Variants in ARPC2 observed in about 807,000 individuals in gnomAD.
The protein encoded by ARPC2 is actin-related protein 2/3 complex subunit 2.
ARPC2 carries 4 observed loss-of-function variants against 38.6 expected under a neutral mutation model. The ratio of observed to expected loss-of-function variants is 0.10; its 90% CI spans 0.05 to 0.24. The LOEUF (loss-of-function observed/expected upper bound fraction) is 0.24, where lower values mean the gene tolerates loss of function less well. Among genes scored for constraint, ARPC2 ranks in the 10% least tolerant of loss-of-function variants. ARPC2 has a pLI of 1.00. For missense variants in ARPC2, 229 were observed against 387.3 expected, an observed-to-expected ratio of 0.59 and a Z score of 3.43; for synonymous variants, 125 against 140.8, an observed-to-expected ratio of 0.89 and a Z score of 0.79.
At position 218,232,635 on chromosome 2, in the gene ARPC2, T is replaced by C. The variant is rs1360217865; in HGVS notation, c.223-1717T>C. On this transcript the variant is annotated intron_variant, in intron 4 of 10. Coordinates refer to ENST00000315717, the MANE Select transcript of ARPC2 (RefSeq NM_152862.3). Reference sequence around the variant, plus strand: ...CCCAGGCTGGAGTGCAGTGGCGCGATCTCACCTCACTGCAAGCTCTGCCTC... The same window carrying C: ...CCCAGGCTGGAGTGCAGTGGCGCGACCTCACCTCACTGCAAGCTCTGCCTC... Among the ~76,000 whole-genome samples, 14 of 146,882 alleles carry C rather than the reference T, an allele frequency of 9.5e-5. No individual in the cohort carries two copies. The Admixed American group carries it at 9.8e-4, about 10-fold the overall frequency.
At chr2:218,227,282 AAG>A (rs146230657) in intron 3 of ARPC2, among the ~76,000 whole-genome samples, 2,622 of 152,294 alleles carry the variant, frequency 0.017, 67 homozygotes, top group African/African-American at 0.06. Context: ...AGAACCGAAA[AAG>A]AGGGGAGTCC....
At position 218,253,945 on chromosome 2, in the gene ARPC2, C is replaced by T; in HGVS notation, c.*30C>T. On this transcript the variant is annotated 3_prime_UTR_variant, in exon 11 of 11. Coordinates refer to ENST00000315717, the MANE Select transcript of ARPC2 (RefSeq NM_152862.3). ...GGGAATAAGAGGAGGAAGCGGCTGGCAACTGAAGGCTGGAACACTTGCTAC... is the reference window on the plus strand; with the variant it reads ...GGGAATAAGAGGAGGAAGCGGCTGGTAACTGAAGGCTGGAACACTTGCTAC... 1 of 1,613,662 alleles carries T rather than the reference C, an allele frequency of 6.2e-7. No individual in the cohort carries two copies. The highest frequency in any genetic ancestry group is 8.5e-7 in the Non-Finnish European group (1 of 1,179,748).
chr2:218,242,039 C>T (rs1256724013), intron 7 of ARPC2, among the ~76,000 whole-genome samples: 1 of 152,236 alleles, frequency 6.6e-6, no homozygotes, highest in African/African-American at 2.4e-5. Flanking sequence ...ATTTGAAGTT[C>T]CTCATGGTCA....
At chr2:218,240,939 GA>G (rs1689898709) in intron 7 of ARPC2, among the ~76,000 whole-genome samples, 2 of 152,130 alleles carry the variant, frequency 1.3e-5, no homozygotes, top group African/African-American at 4.8e-5. Context: ...TTTGTAATTG[GA>G]TTTTTGGTGT....
chr2:218,250,602 C>T (rs962725198), intron 10 of ARPC2, among the ~76,000 whole-genome samples: 23 of 149,892 alleles, frequency 1.5e-4, no homozygotes, highest in African/African-American at 5.6e-4. Flanking sequence ...AGGCAGAGGT[C>T]GCAGTGAGCC....
At chr2:218,226,816 G>GT (rs58085729) in intron 3 of ARPC2, among the ~76,000 whole-genome samples, 4,438 of 146,102 alleles carry the variant, frequency 0.03, 122 homozygotes, top group African/African-American at 0.084. Flanking sequence ...TTTTTGTTGT[G>GT]TTTTTTTTTT....
intron 10 of ARPC2, among the ~76,000 whole-genome samples, chr2:218,251,436 ACTG>A (rs1234131060): frequency 3.3e-5 from 5 of 151,986 alleles, no homozygotes; most frequent in Non-Finnish European, 7.4e-5. Context: ...CTGGTCTTGA[ACTG>A]CTGACCTCGT....
At chr2:218,253,709 A>C (rs1690248988) in intron 10 of ARPC2, among the ~76,000 whole-genome samples, 182 bp from the exon 11 acceptor site, 1 of 152,180 alleles carries the variant, frequency 6.6e-6, no homozygotes, top group South Asian at 2.1e-4. Flanking sequence ...GAGCTCGTGA[A>C]ACCATTCTGT....
chr2:218,234,893 A>G (rs1040040888), intron 5 of ARPC2: 1 of 456,664 alleles, frequency 2.2e-6, no homozygotes, highest in Non-Finnish European at 4.4e-6. Flanking sequence ...AGGAATTGAA[A>G]GGCACCGTGT....
At chr2:218,231,687 C>T (rs889422305) in intron 4 of ARPC2, among the ~76,000 whole-genome samples, 1 of 152,162 alleles carries the variant, frequency 6.6e-6, no homozygotes, top group Non-Finnish European at 1.5e-5. Context: ...TGTGCAATCA[C>T]CAAATAGGAA....
At chr2:218,217,353 A>C (rs1344549143) in intron 1 of ARPC2, 99 bp downstream of exon 1, 2 of 951,820 alleles carry the variant, frequency 2.1e-6, no homozygotes, top group African/African-American at 1.6e-5. Flanking sequence ...CTTCTCCCCT[A>C]ACCTCCTACC....
intron 10 of ARPC2, among the ~76,000 whole-genome samples, chr2:218,252,027 C>T (rs1690204525): frequency 6.6e-6 from 1 of 152,114 alleles, no homozygotes; most frequent in African/African-American, 2.4e-5. Flanking sequence ...TGGAGACCTC[C>T]AGCCTGACCA....
At chr2:218,239,250 A>G (rs1308364529) in intron 6 of ARPC2, 141 bp from the exon 7 acceptor site, 16 of 636,866 alleles carry the variant, frequency 2.5e-5, no homozygotes, top group Non-Finnish European at 4.4e-5. Flanking sequence ...GTTGACCATA[A>G]ATATCATCTC....
At chr2:218,231,796 T>A (rs926001728) in intron 4 of ARPC2, among the ~76,000 whole-genome samples, 1 of 152,234 alleles carries the variant, frequency 6.6e-6, no homozygotes, top group Non-Finnish European at 1.5e-5. Flanking sequence ...TAAATAAATA[T>A]GTGGAATATT....
intron 3 of ARPC2, among the ~76,000 whole-genome samples, chr2:218,227,614 A>G (rs1689532868): frequency 6.9e-6 from 1 of 145,102 alleles, no homozygotes; most frequent in African/African-American, 2.6e-5. Context: ...TTTTCCAGAC[A>G]GCGTCTTGCT....
At chr2:218,223,341 T>C (rs529910552) in intron 2 of ARPC2, among the ~76,000 whole-genome samples, 2 of 152,340 alleles carry the variant, frequency 1.3e-5, no homozygotes, top group South Asian at 4.1e-4. Context: ...GGTTATCAGA[T>C]TGACTGTCAC....
intron 5 of ARPC2, chr2:218,234,822 T>C (rs753487255): frequency 1.1e-5 from 5 of 458,214 alleles, no homozygotes; most frequent in African/African-American, 2.0e-5. Context: ...TTTCAAGTAA[T>C]AAAAATCAGA....
At chr2:218,249,515 AC>A in intron 9 of ARPC2, 51 bp downstream of exon 9, 1 of 1,378,410 alleles carries the variant, frequency 7.3e-7, no homozygotes, top group Non-Finnish European at 1.0e-6. Context: ...CTTTTCCTCC[AC>A]CAGAACTCCT....
chr2:218,217,404 C>G, intron 1 of ARPC2, 59 bp from the exon 2 acceptor site: 1 of 1,545,750 alleles, frequency 6.5e-7, no homozygotes, highest in Middle Eastern at 1.7e-4. Flanking sequence ...CCGCTCCCTC[C>G]GTCCTTGCCT....
Sources: allele counts gnomAD v4.1 joint callset (sites outside exome capture counted in the v4.1 genomes callset), GRCh38; gene constraint gnomAD v4.1.1; transcripts MANE v1.5; gene names NCBI Gene and HGNC (gene_info 2026-07-23, HGNC 2026-07-21).